The following AKT3 variants were observed in gnomAD, a reference collection of about 807,000 sequenced individuals.
AKT3 encodes AKT serine/threonine kinase 3.
A neutral mutation model predicts 65.3 loss-of-function variants in AKT3; 15 were observed. That is an observed-to-expected ratio of 0.23 (90% CI 0.15 to 0.35). AKT3 has a LOEUF of 0.35. Among genes scored for constraint, AKT3 ranks in the 10% least tolerant of loss-of-function variants. The pLI, the probability that AKT3 is intolerant of heterozygous loss-of-function variation, is 1.00. For missense variants in AKT3, 243 were observed against 576.5 expected, an observed-to-expected ratio of 0.42 and a Z score of 5.92; for synonymous variants, 206 against 183.8, an observed-to-expected ratio of 1.12 and a Z score of -0.98.
chr1:243,594,942 G>A (rs1676493523), intron 8 of AKT3, among the ~76,000 whole-genome samples: 1 of 152,102 alleles, frequency 6.6e-6, no homozygotes, highest in South Asian at 2.1e-4. Flanking sequence ...GGAAAAAAAT[G>A]AACCTCAACT....
At chr1:243,661,179 A>C (rs2147904910) in intron 4 of AKT3, among the ~76,000 whole-genome samples, 1 of 152,272 alleles carries the variant, frequency 6.6e-6, no homozygotes, top group East Asian at 1.9e-4. Context: ...GCTACCAATG[A>C]CTTTCTTCAC....
chr1:243,592,773 GGAAATAGTAACTGTGTCAGGGAACAGAA>G (rs1460472346), intron 8 of AKT3, among the ~76,000 whole-genome samples: 11 of 152,038 alleles, frequency 7.2e-5, no homozygotes, highest in Admixed American at 7.2e-4. Context: ...AGAAAATATT[GGAAATAGTAACTGTGTCAGGGAACAGAA>G]ATTAATTTTT....
At chr1:243,579,955 T>C (rs1462497752) in intron 8 of AKT3, among the ~76,000 whole-genome samples, 3 of 152,176 alleles carry the variant, frequency 2.0e-5, no homozygotes. Flanking sequence ...ATTAAAAAAC[T>C]AGAAAATATG....
intron 5 of AKT3, among the ~76,000 whole-genome samples, chr1:243,642,975 G>C (rs1407189693): frequency 6.6e-6 from 1 of 152,162 alleles, no homozygotes; most frequent in Non-Finnish European, 1.5e-5. Context: ...CAAGTAAGTA[G>C]AAAGAGGAAA....
At position 243,503,603 on chromosome 1, in the gene AKT3, A is replaced by G. The variant is rs1277092067; in HGVS notation, c.*1646T>C. On this transcript the variant is annotated 3_prime_UTR_variant, in exon 14 of 14. Transcript: ENST00000673466. Reference sequence around the variant, plus strand: ...CACCAAAGGGTTTAATCTGAAGATCATCATTAATGAAGGAGAAAGATGAGG... The same window carrying G: ...CACCAAAGGGTTTAATCTGAAGATCGTCATTAATGAAGGAGAAAGATGAGG... The G allele has an allele frequency of 4.3e-6, 1 of 233,248 alleles. No homozygotes were observed. The allele number at this position is 233,248 out of a possible 1,614,324, so 14.4% of individuals were successfully genotyped here.
intron 12 of AKT3, among the ~76,000 whole-genome samples, chr1:243,536,692 C>T (rs760293356): frequency 1.3e-5 from 2 of 152,084 alleles, no homozygotes; most frequent in African/African-American, 2.4e-5. Flanking sequence ...AAAGCTTTAA[C>T]TGTATACATT....
At chr1:243,796,784 G>T (rs1692042567) in intron 2 of AKT3, among the ~76,000 whole-genome samples, 1 of 152,076 alleles carries the variant, frequency 6.6e-6, no homozygotes, top group Non-Finnish European at 1.5e-5. Context: ...CCATATTATG[G>T]AGTGTTATTT....
At chr1:243,489,280 C>A in intron 13 of AKT3, 1 of 1,190,900 alleles carries the variant, frequency 8.4e-7, no homozygotes, top group Non-Finnish European at 1.2e-6. Flanking sequence ...GAAGACTGTG[C>A]TGGGCACAGT....
At chr1:243,809,740 GCAC>G (rs1452536764) in intron 2 of AKT3, among the ~76,000 whole-genome samples, 3 of 152,176 alleles carry the variant, frequency 2.0e-5, no homozygotes, top group Non-Finnish European at 4.4e-5. Context: ...ATTCTTCTCA[GCAC>G]CACACTACAC....
At chr1:243,666,808 C>G (rs1376066589) in intron 3 of AKT3, among the ~76,000 whole-genome samples, 1 of 152,100 alleles carries the variant, frequency 6.6e-6, no homozygotes, top group Non-Finnish European at 1.5e-5. Context: ...TAGAGTTGGA[C>G]AAAAATCATC....
chr1:243,847,216 T>G (rs1009796568), intron 1 of AKT3, among the ~76,000 whole-genome samples: 1 of 152,212 alleles, frequency 6.6e-6, no homozygotes, highest in Non-Finnish European at 1.5e-5. Context: ...AAGACTGATT[T>G]GCTCAAAATG....
chr1:243,776,185 AC>A lies in AKT3; in HGVS notation c.46+66939del, dbSNP rs563568998. On this transcript the variant is annotated intron_variant, in intron 2 of 13. Coordinates refer to ENST00000673466, the MANE Select transcript of AKT3 (RefSeq NM_005465.7). ...ACCAAATTAGTTCTAATTTTTCTCCACTAGCCCATATGCGAAATTTTAGGCC... is the reference window on the plus strand; with the variant it reads ...ACCAAATTAGTTCTAATTTTTCTCCATAGCCCATATGCGAAATTTTAGGCC... Among the ~76,000 whole-genome samples, 5 of 152,280 alleles carry A rather than the reference AC, an allele frequency of 3.3e-5. No homozygotes were observed. The East Asian group carries it at 9.6e-4, about 29-fold the overall frequency.
chr1:243,844,880 G>A (rs190368802), intron 1 of AKT3, among the ~76,000 whole-genome samples: 1 of 152,176 alleles, frequency 6.6e-6, no homozygotes, highest in East Asian at 1.9e-4. Context: ...AAACTAAAAA[G>A]GAAAATGCCA....
downstream of AKT3, among the ~76,000 whole-genome samples, chr1:243,497,225 CA>C (rs1397640716): frequency 2.0e-5 from 3 of 150,864 alleles, no homozygotes; most frequent in African/African-American, 7.3e-5. Flanking sequence ...TGTGTGTTAC[CA>C]AAGAGTCAGC....
intron 13 of AKT3, among the ~76,000 whole-genome samples, chr1:243,510,155 C>T (rs1462336813): frequency 6.6e-6 from 1 of 152,180 alleles, no homozygotes; most frequent in African/African-American, 2.4e-5. Flanking sequence ...AGGAAAGAGA[C>T]CTGTCAAGAC....
At chr1:243,629,254 C>T (rs563097858) in intron 6 of AKT3, among the ~76,000 whole-genome samples, 1 of 152,066 alleles carries the variant, frequency 6.6e-6, no homozygotes, top group East Asian at 1.9e-4. Context: ...CCAGCCTGGG[C>T]AACAAGAGCA....
At chr1:243,785,300 G>A (rs537588086) in intron 2 of AKT3, among the ~76,000 whole-genome samples, 19 of 149,954 alleles carry the variant, frequency 1.3e-4, no homozygotes, top group African/African-American at 3.2e-4. Context: ...GGATGGTCTC[G>A]ATCTCCTGAC....
Position 243,640,750 on chromosome 1 carries a change from G to C in AKT3, c.430-3008C>G, listed in dbSNP as rs540843747. Among the ~76,000 whole-genome samples the C allele has an allele frequency of 2.0e-5, 3 of 152,288 alleles. No individual in the cohort carries two copies. In the South Asian group the frequency reaches 6.2e-4, roughly 32 times the overall value. On this transcript the variant is annotated intron_variant, in intron 5 of 13. Coordinates refer to ENST00000673466, the MANE Select transcript of AKT3 (RefSeq NM_005465.7). ...GTATAAGCTGTAGGCAGCTGATTGA[G>C]AGCCATGCATGCAAGACCAACAGAG...
intron 12 of AKT3, among the ~76,000 whole-genome samples, chr1:243,517,798 A>G (rs1670460248): frequency 6.6e-6 from 1 of 152,220 alleles, no homozygotes; most frequent in Non-Finnish European, 1.5e-5. Flanking sequence ...ATTTAATGTG[A>G]TTATTGATAC....
Sources: allele counts gnomAD v4.1 joint callset (sites outside exome capture counted in the v4.1 genomes callset), GRCh38; gene constraint gnomAD v4.1.1; transcripts MANE v1.5; gene names NCBI Gene and HGNC (gene_info 2026-07-23, HGNC 2026-07-21).